CPSF4L: variants seen among roughly 807,000 people sequenced by gnomAD.
CPSF4L encodes the protein cleavage and polyadenylation specific factor 4 like, also known as putative cleavage and polyadenylation specificity factor subunit 4-like protein.
CPSF4L carries 18 observed loss-of-function variants against 24.0 expected under a neutral mutation model. That is an observed-to-expected ratio of 0.75 (90% CI 0.52 to 1.11). CPSF4L has a LOEUF of 1.11. CPSF4L is among the 50% of genes least tolerant of loss of function. CPSF4L has a pLI of 0.00. For missense variants in CPSF4L, 211 were observed against 221.8 expected (o/e 0.95, Z 0.31); for synonymous variants, 72 against 77.2 (o/e 0.93, Z 0.35).
intron 2 of CPSF4L, among the ~76,000 whole-genome samples, chr17:73,259,742 A>C (rs528088692): frequency 6.6e-6 from 1 of 152,312 alleles, no homozygotes; most frequent in East Asian, 1.9e-4. Context: ...AAGACAAACA[A>C]GGCAGGTGGG....
chr17:73,243,163 T>G, the CPSF4L span: 1 of 698,780 alleles, frequency 1.4e-6, no homozygotes, highest in Non-Finnish European at 2.5e-6. Context: ...TTCTGGGTTT[T>G]ATTTTTTTGA....
chr17:73,242,439 A>C, the CPSF4L span: 166 of 832,830 alleles, frequency 2.0e-4, no homozygotes, highest in African/African-American at 2.7e-3. Flanking sequence ...AAGGCTAAAG[A>C]GGAGAGGAAA....
chr17:73,261,347 CAG>C (rs57462476), intron 1 of CPSF4L, among the ~76,000 whole-genome samples: 4 of 152,330 alleles, frequency 2.6e-5, no homozygotes, highest in African/African-American at 9.6e-5. Flanking sequence ...GGGAGTTGAG[CAG>C]AGAGGCCTGT....
intron 3 of CPSF4L, among the ~76,000 whole-genome samples, chr17:73,254,810 A>T (rs528640800): frequency 7.2e-5 from 11 of 152,148 alleles, no homozygotes; most frequent in African/African-American, 2.6e-4. Context: ...CGCATGGCTA[A>T]TTTTTTGTAT....
At chr17:73,250,887 G>T in intron 5 of CPSF4L, 8 of 1,042,300 alleles carry the variant, frequency 7.7e-6, no homozygotes, top group Non-Finnish European at 1.1e-5. Flanking sequence ...TGCAGAAAAG[G>T]AGTCATTCTC....
At chr17:73,262,691 C>T (rs369326110), upstream of CPSF4L, among the ~76,000 whole-genome samples, 1 of 152,228 alleles carries the variant, frequency 6.6e-6, no homozygotes, top group East Asian at 1.9e-4. Context: ...CTAATTAGAC[C>T]AGGTTCCCCC....
intron 5 of CPSF4L, 178 bp from the exon 6 acceptor site, chr17:73,248,714 C>T (rs879899740): frequency 3.5e-5 from 23 of 662,430 alleles, no homozygotes; most frequent in African/African-American, 2.5e-4. Context: ...CTGAATACCC[C>T]GGCTGTAACT....
chr17:73,252,354 A>G (rs2062009198), intron 5 of CPSF4L, among the ~76,000 whole-genome samples: 1 of 152,136 alleles, frequency 6.6e-6, no homozygotes, highest in South Asian at 2.1e-4. Context: ...ATTACAGAGG[A>G]CTGGGGAGAA....
chr17:73,257,478 G>A (rs954336176), intron 3 of CPSF4L, among the ~76,000 whole-genome samples: 2 of 151,170 alleles, frequency 1.3e-5, no homozygotes, highest in African/African-American at 2.4e-5. Flanking sequence ...GATCCAGGGG[G>A]CAGTAAAGGG....
At chr17:73,260,261 C>G (rs879681086) in intron 2 of CPSF4L, among the ~76,000 whole-genome samples, 42 of 152,110 alleles carry the variant, frequency 2.8e-4, no homozygotes, top group Non-Finnish European at 4.7e-4. Flanking sequence ...CATTAAGAAG[C>G]TGGAGCCTCC....
At chr17:73,252,167 G>A (rs909314979) in intron 5 of CPSF4L, among the ~76,000 whole-genome samples, 10 of 151,924 alleles carry the variant, frequency 6.6e-5, no homozygotes, top group African/African-American at 2.2e-4. Context: ...CATGTAACTC[G>A]GGTTGAGTAA....
intron 1 of CPSF4L, among the ~76,000 whole-genome samples, chr17:73,261,446 G>A (rs1387546104): frequency 1.3e-5 from 2 of 152,328 alleles, no homozygotes; most frequent in East Asian, 1.9e-4. Context: ...CGGATCACGA[G>A]GTCAGGAGAT....
At chr17:73,258,073 G>A (rs1251898148) in intron 2 of CPSF4L, among the ~76,000 whole-genome samples, 1 of 151,434 alleles carries the variant, frequency 6.6e-6, no homozygotes, top group Non-Finnish European at 1.5e-5. Context: ...GCAGCGGCGC[G>A]ATCTTGGCTC....
downstream of CPSF4L, among the ~76,000 whole-genome samples, chr17:73,246,494 C>T (rs1790204706): frequency 6.6e-6 from 1 of 152,184 alleles, no homozygotes; most frequent in Admixed American, 6.5e-5. Flanking sequence ...TGAGATTGTG[C>T]CATTGCATTC....
intron 5 of CPSF4L, chr17:73,250,332 C>G (rs2061999935): frequency 6.5e-7 from 1 of 1,550,044 alleles, no homozygotes; most frequent in Non-Finnish European, 8.7e-7. Context: ...AATGGCATGA[C>G]TTTTTGTAAA....
intron 3 of CPSF4L, among the ~76,000 whole-genome samples, chr17:73,256,389 T>A (rs1163331075): frequency 6.6e-6 from 1 of 152,170 alleles, no homozygotes; most frequent in Non-Finnish European, 1.5e-5. Flanking sequence ...GCCTAGGCAA[T>A]GCTTTGCCTC....
downstream of CPSF4L, chr17:73,247,727 T>C (rs540350585): frequency 4.1e-5 from 7 of 171,018 alleles, no homozygotes; most frequent in African/African-American, 1.4e-4. Context: ...TTGACATTGG[T>C]AAGTACCAAG....
intron 5 of CPSF4L, chr17:73,250,950 G>A: frequency 6.6e-7 from 1 of 1,504,104 alleles, no homozygotes; most frequent in East Asian, 2.5e-5. Context: ...CACTAGCCCA[G>A]CCCTGTGGGT....
downstream of CPSF4L, chr17:73,245,494 A>G (rs1333594499): frequency 9.2e-7 from 1 of 1,090,186 alleles, no homozygotes; most frequent in African/African-American, 1.6e-5. Context: ...TGAAGATGAC[A>G]AAGTTCATCA....
Sources: allele counts gnomAD v4.1 joint callset (sites outside exome capture counted in the v4.1 genomes callset), GRCh38; gene constraint gnomAD v4.1.1; transcripts MANE v1.5; gene names NCBI Gene and HGNC (gene_info 2026-07-23, HGNC 2026-07-21).